Variants in RALGAPB observed in about 807,000 individuals in gnomAD.
RALGAPB encodes Ral GTPase activating protein non-catalytic subunit beta.
RALGAPB carries 25 observed loss-of-function variants against 161.1 expected under a neutral mutation model. The ratio of observed to expected loss-of-function variants is 0.16; its 90% CI spans 0.11 to 0.22. The LOEUF (loss-of-function observed/expected upper bound fraction) is 0.22, where lower values mean the gene tolerates loss of function less well. Ranked by LOEUF, RALGAPB falls within the 10% of genes least tolerant of loss-of-function variation. The pLI is 1.00. For synonymous variants in RALGAPB, 629 were observed against 626.1 expected, an observed-to-expected ratio of 1.00 and a Z score of -0.07; for missense variants, 1,391 against 1,815.2, an observed-to-expected ratio of 0.77 and a Z score of 4.25.
At chr20:38,565,223 C>A in intron 24 of RALGAPB, 136 bp from the exon 25 acceptor site, 5 of 917,294 alleles carry the variant, frequency 5.5e-6, no homozygotes, top group Admixed American at 2.6e-5. Flanking sequence ...TTTATTCTTT[C>A]ATACTAATTG....
At chr20:38,515,999 T>C (rs1021987723) in intron 6 of RALGAPB, among the ~76,000 whole-genome samples, 193 bp from the exon 7 acceptor site, 13 of 152,234 alleles carry the variant, frequency 8.5e-5, no homozygotes, top group African/African-American at 2.9e-4. Context: ...GAGTAGGCAA[T>C]GTTCATGTAA....
chr20:38,554,087 T>C lies in RALGAPB; in HGVS notation c.3372+11T>C, dbSNP rs2087491528. The C allele has an allele frequency of 5.8e-6, 9 of 1,548,780 alleles. No homozygotes were observed. The highest frequency in any genetic ancestry group is 3.3e-5 in the Admixed American group (2 of 59,832). ...TTAGAAGCACTGAAGGTAATTTTCA[T>C]GAACTTTTATGAATAAATATATTCA... On this transcript the variant is annotated intron_variant, in intron 22 of 29. Coordinates refer to ENST00000262879, the MANE Select transcript of RALGAPB (RefSeq NM_020336.4).
At chr20:38,539,054 T>C (rs1194343803) in intron 16 of RALGAPB, among the ~76,000 whole-genome samples, 2 of 152,116 alleles carry the variant, frequency 1.3e-5, no homozygotes, top group African/African-American at 4.8e-5. Flanking sequence ...TATTCAGCAA[T>C]AGAAATGAAT....
chr20:38,568,403 T>A (rs1284734218), intron 26 of RALGAPB: 5 of 152,192 alleles, frequency 3.3e-5, no homozygotes, highest in African/African-American at 1.2e-4. Context: ...GAGCATCTAC[T>A]AAAAACCTAC....
chr20:38,513,301 C>T (rs1210494385), intron 6 of RALGAPB, among the ~76,000 whole-genome samples: 2 of 151,950 alleles, frequency 1.3e-5, no homozygotes, highest in South Asian at 2.1e-4. Context: ...GTCAGGAGTT[C>T]GAGACCAGCC....
chr20:38,473,287 G>C (rs541504035), intron 1 of RALGAPB, among the ~76,000 whole-genome samples: 1 of 152,128 alleles, frequency 6.6e-6, no homozygotes, highest in Non-Finnish European at 1.5e-5. Context: ...GTGTAAACCC[G>C]GTCTAATCCT....
At chr20:38,507,698 T>C (rs564830449) in intron 5 of RALGAPB, among the ~76,000 whole-genome samples, 123 of 152,020 alleles carry the variant, frequency 8.1e-4, no homozygotes, top group African/African-American at 2.9e-3. Flanking sequence ...TTTTTGTTTT[T>C]GTTTTTCTTT....
At position 38,492,538 on chromosome 20, in the gene RALGAPB, G is replaced by A. The variant is rs1653234154; in HGVS notation, c.187-392G>A. Among the ~76,000 whole-genome samples, 6 of 152,046 alleles carry A rather than the reference G, an allele frequency of 3.9e-5. No individual in the cohort carries two copies. In the South Asian group the frequency reaches 1.2e-3, roughly 32 times the overall value. ...AGATGGAATGTGACTGACTTTATAT[G>A]ATTTTCTAAATGCTACACATACTTA... On this transcript the variant is annotated intron_variant, in intron 2 of 29. Transcript: ENST00000262879.
chr20:38,565,626 G>A, intron 25 of RALGAPB, 148 bp downstream of exon 25: 1 of 990,984 alleles, frequency 1.0e-6, no homozygotes, highest in Non-Finnish European at 1.4e-6. Flanking sequence ...AGCACAAGAT[G>A]TCTTCTCTTA....
chr20:38,518,803 T>G (rs1042919678), intron 9 of RALGAPB, among the ~76,000 whole-genome samples: 6 of 152,138 alleles, frequency 3.9e-5, no homozygotes, highest in African/African-American at 1.4e-4. Flanking sequence ...GTGTATTGAT[T>G]GTTTGGTAAG....
intron 10 of RALGAPB, among the ~76,000 whole-genome samples, chr20:38,523,648 G>C (rs186210228): frequency 5.0e-4 from 76 of 152,124 alleles, no homozygotes; most frequent in African/African-American, 1.7e-3. Context: ...TAAGCTTTTG[G>C]GTAATAGATC....
intron 7 of RALGAPB, 67 bp downstream of exon 7, chr20:38,516,437 A>G (rs1600916356): frequency 7.4e-7 from 1 of 1,345,576 alleles, no homozygotes; most frequent in East Asian, 2.6e-5. Context: ...GGCTAACCCT[A>G]GGAGTTATTA....
Position 38,525,438 on chromosome 20 carries a change from A to G in RALGAPB, c.1822A>G (p.Thr608Ala), listed in dbSNP as rs940254077. ...AAAATTCAAAAGCTATGTAAATCCA[A>G]CAGAATTGCGAAGATCCTCCATTAA... ...LSKFKSYVNP[T>A]ELRRSSINIL... The change falls in exon 12 of 30, where the codon ACA becomes GCA. Residue 608 changes from threonine (T) to alanine (A), a missense_variant. Thr to Ala is a moderately conservative substitution (Grantham distance 58). Around this residue, in one of 3 missense-constraint regions of RALGAPB, gnomAD observed 946 missense variants for 1,257.2 expected, o/e 0.75. Transcript: ENST00000262879. 1.0e-5 allele frequency: 16 copies of G among 1,598,892 alleles called. No homozygotes were observed. Among genetic ancestry groups the G allele is most frequent in the Non-Finnish European group, 1.4e-5 (16 of 1,176,016 alleles).
At chr20:38,537,083 A>G (rs1447206134) in intron 16 of RALGAPB, among the ~76,000 whole-genome samples, 2 of 152,240 alleles carry the variant, frequency 1.3e-5, no homozygotes, top group African/African-American at 4.8e-5. Context: ...TAAAGGGCTA[A>G]CACTACCTGA....
chr20:38,549,943 A>G (rs2087314990), intron 20 of RALGAPB, among the ~76,000 whole-genome samples: 1 of 152,254 alleles, frequency 6.6e-6, no homozygotes, highest in African/African-American at 2.4e-5. Context: ...GCACATATAC[A>G]CCATGGAACA....
chr20:38,481,908 A>G (rs1424752672), intron 1 of RALGAPB, among the ~76,000 whole-genome samples: 1 of 152,230 alleles, frequency 6.6e-6, no homozygotes, highest in East Asian at 1.9e-4. Context: ...ATGTAGTAAT[A>G]AAAACATATT....
Position 38,554,002 on chromosome 20 carries a change from C to T in RALGAPB, c.3298C>T (p.Pro1100Ser), listed in dbSNP as rs2087487846. ...PDPVTDCKPP[P>S]PAQEFQTARL... ...CCCAGTTACGGATTGCAAGCCCCCG[C>T]CTCCTGCCCAGGAATTCCAAACAGC... The change falls in exon 22 of 30, where the codon CCT (proline) becomes TCT (serine). Residue 1100 changes from proline to serine, a missense_variant. Physicochemically the swap from Pro to Ser is moderately conservative, Grantham distance 74 (BLOSUM62 -1). Transcript: ENST00000262879. 6.2e-7 allele frequency: 1 copy of T among 1,613,860 alleles called. No individual in the cohort carries two copies. The highest frequency in any genetic ancestry group is 8.5e-7 in the Non-Finnish European group (1 of 1,179,872).
chr20:38,564,932 T>TTCC (rs1316634746), intron 24 of RALGAPB, among the ~76,000 whole-genome samples: 2 of 151,324 alleles, frequency 1.3e-5, no homozygotes, highest in African/African-American at 4.9e-5. Context: ...CTTCTTCTTC[T>TTCC]TCCTCTTCCC....
intron 7 of RALGAPB, among the ~76,000 whole-genome samples, chr20:38,517,268 C>T (rs1339191946): frequency 6.6e-6 from 1 of 152,192 alleles, no homozygotes; most frequent in Non-Finnish European, 1.5e-5. Context: ...AATATGGCCA[C>T]ATCTAGGTGC....
Sources: gnomAD v4.1 joint callset for allele counts (sites outside exome capture counted in the v4.1 genomes callset) on GRCh38, gnomAD v4.1.1 for gene constraint, gnomAD v4.1.1 regional missense constraint, MANE v1.5 for transcripts, NCBI Gene and HGNC (gene_info 2026-07-23, HGNC 2026-07-21) for gene names.